COL23A1: variants seen among roughly 807,000 people sequenced by gnomAD.
COL23A1 encodes the protein collagen type XXIII alpha 1 chain, also known as collagen alpha-1(XXIII) chain.
In COL23A1, 97 loss-of-function variants were observed where a neutral mutation model predicts 99.3. The ratio of observed to expected loss-of-function variants is 0.98; its 90% confidence interval spans 0.83 to 1.16. The LOEUF (loss-of-function observed/expected upper bound fraction) is 1.16. COL23A1 is among the 50% of genes most tolerant of loss of function. COL23A1 has a pLI of 0.00. For synonymous variants in COL23A1, 320 were observed against 308.2 expected, an observed-to-expected ratio of 1.04 and a Z score of -0.40; for missense variants, 762 against 757.4, an observed-to-expected ratio of 1.01 and a Z score of -0.07.
intron 2 of COL23A1, among the ~76,000 whole-genome samples, chr5:178,354,375 AT>A: frequency 6.6e-6 from 1 of 151,958 alleles, no homozygotes; most frequent in South Asian, 2.1e-4. Flanking sequence ...TGCCCTGCTA[AT>A]TTTTTTTACT....
chr5:178,329,803 G>A (rs1759905344), intron 2 of COL23A1, among the ~76,000 whole-genome samples: 1 of 152,270 alleles, frequency 6.6e-6, no homozygotes, highest in Non-Finnish European at 1.5e-5. Context: ...CAGGCGTGCT[G>A]GTAGGAGTCT....
intron 12 of COL23A1, 98 bp from the exon 13 acceptor site, chr5:178,257,665 C>T (rs959816000): frequency 5.5e-5 from 69 of 1,257,980 alleles, no homozygotes; most frequent in Non-Finnish European, 1.4e-5. Flanking sequence ...CTGCTCCTGG[C>T]ATCTGCACTG....
intron 2 of COL23A1, among the ~76,000 whole-genome samples, chr5:178,367,451 C>T (rs1331381943): frequency 2.0e-5 from 3 of 152,170 alleles, no homozygotes; most frequent in Non-Finnish European, 4.4e-5. Flanking sequence ...AGTCAGTGTC[C>T]TGCACATTTA....
chr5:178,287,040 C>T (rs1554131919), intron 5 of COL23A1, among the ~76,000 whole-genome samples: 1 of 152,212 alleles, frequency 6.6e-6, no homozygotes. Context: ...TGCCAAGATG[C>T]GGGGCTGAAC....
chr5:178,353,091 G>A (rs1761420389), intron 2 of COL23A1, among the ~76,000 whole-genome samples: 1 of 152,148 alleles, frequency 6.6e-6, no homozygotes, highest in Admixed American at 6.5e-5. Context: ...ACAAAAGCAT[G>A]ATGTATGAGG....
At chr5:178,529,348 A>C (rs1258377651) in intron 2 of COL23A1, among the ~76,000 whole-genome samples, 1 of 152,022 alleles carries the variant, frequency 6.6e-6, no homozygotes, top group Non-Finnish European at 1.5e-5. Context: ...GTGGGAGGGA[A>C]CTGCACGTGG....
intron 2 of COL23A1, among the ~76,000 whole-genome samples, chr5:178,510,259 C>T (rs1017114462): frequency 1.3e-5 from 2 of 152,172 alleles, no homozygotes; most frequent in African/African-American, 4.8e-5. Context: ...CACACATTGG[C>T]GCCTGGGCAT....
intron 18 of COL23A1, 129 bp downstream of exon 18, chr5:178,249,932 T>G: frequency 7.8e-7 from 1 of 1,284,650 alleles, no homozygotes; most frequent in Non-Finnish European, 1.1e-6. Context: ...AAATCCATGA[T>G]TTTTGATTTT....
intron 2 of COL23A1, among the ~76,000 whole-genome samples, chr5:178,417,816 C>T (rs770243222): frequency 6.6e-6 from 1 of 152,230 alleles, no homozygotes; most frequent in South Asian, 2.1e-4. Context: ...CCCGCAGAAA[C>T]GAGGACGTTC....
chr5:178,454,161 G>A (rs6867956), intron 2 of COL23A1, among the ~76,000 whole-genome samples: 55,978 of 151,834 alleles, frequency 0.37, 10,616 homozygotes, highest in East Asian at 0.57. Context: ...AGTTAAAAGG[G>A]CTGTTTTCTA....
chr5:178,539,202 T>C (rs1279927905), intron 2 of COL23A1, among the ~76,000 whole-genome samples: 1 of 152,170 alleles, frequency 6.6e-6, no homozygotes, highest in African/African-American at 2.4e-5. Context: ...TTGCATACTT[T>C]AAACAGATGA....
intron 4 of COL23A1, among the ~76,000 whole-genome samples, chr5:178,289,901 CTG>C (rs1304223133): frequency 1.3e-5 from 2 of 152,168 alleles, no homozygotes; most frequent in Non-Finnish European, 2.9e-5. Flanking sequence ...TCCTGTATGA[CTG>C]ATTTTTTCCC....
rs1162126973 is a variant in COL23A1, at chr5:178,420,599, C to T, written c.362-113680G>A. ...TCTCCCACTCTTTCTCCTTCCCCTC[C>T]CCCCTTCCCCCCCTTTCCTCCTCCC... On this transcript the variant is annotated intron_variant, in intron 2 of 28. Transcript: ENST00000390654. Among the ~76,000 whole-genome samples, 4 of 31,784 alleles carry T rather than the reference C, an allele frequency of 1.3e-4. No individual in the cohort carries two copies. In the East Asian group the frequency reaches 2.3e-3, roughly 18 times the overall value. The allele number at this position is 31,784 out of a possible 152,430, so 20.9% of individuals were successfully genotyped here.
At chr5:178,448,948 C>T (rs1205364910) in intron 2 of COL23A1, among the ~76,000 whole-genome samples, 1 of 150,314 alleles carries the variant, frequency 6.7e-6, no homozygotes, top group Non-Finnish European at 1.5e-5. Flanking sequence ...TTTTTTGTCA[C>T]TTAGGTTCAT....
At chr5:178,457,253 G>A (rs370890982) in intron 2 of COL23A1, among the ~76,000 whole-genome samples, 9 of 151,966 alleles carry the variant, frequency 5.9e-5, no homozygotes, top group African/African-American at 9.6e-5. Context: ...TCACTCTGTC[G>A]CCCAGGCTGG....
chr5:178,420,544 C>G (rs1283982677), intron 2 of COL23A1, among the ~76,000 whole-genome samples: 1 of 80,778 alleles, frequency 1.2e-5, no homozygotes, highest in Non-Finnish European at 2.7e-5. Context: ...TTCCTCCTCC[C>G]CTCCCTGAGA....
chr5:178,244,754 A>T (rs1484178321), intron 25 of COL23A1, among the ~76,000 whole-genome samples: 1 of 152,236 alleles, frequency 6.6e-6, no homozygotes, highest in Non-Finnish European at 1.5e-5. Context: ...AAGCCAGTTT[A>T]AACTATGTTT....
chr5:178,571,868 G>A (rs1297746393), intron 1 of COL23A1, among the ~76,000 whole-genome samples: 1 of 152,138 alleles, frequency 6.6e-6, no homozygotes, highest in Non-Finnish European at 1.5e-5. Flanking sequence ...AGGAGATTGA[G>A]ACCATCCTGG....
At chr5:178,323,608 C>G (rs1293323959) in intron 2 of COL23A1, among the ~76,000 whole-genome samples, 2 of 152,274 alleles carry the variant, frequency 1.3e-5, no homozygotes, top group Non-Finnish European at 2.9e-5. Context: ...CAGCCCCATC[C>G]TGCAGGTCCC....
Sources: gnomAD v4.1 joint callset for allele counts (sites outside exome capture counted in the v4.1 genomes callset) on GRCh38, gnomAD v4.1.1 for gene constraint, MANE v1.5 for transcripts, NCBI Gene and HGNC (gene_info 2026-07-23, HGNC 2026-07-21) for gene names.